The following MRPL3 variants were observed in gnomAD, a reference collection of about 807,000 sequenced individuals.
MRPL3 encodes the protein large ribosomal subunit protein uL3m.
A neutral mutation model predicts 44.3 loss-of-function variants in MRPL3; 43 were observed. That is an observed-to-expected ratio of 0.97 (90% confidence interval 0.76 to 1.25). MRPL3 has a LOEUF of 1.25. MRPL3 is among the 50% of genes most tolerant of loss of function. The pLI is 0.00. For missense variants in MRPL3, 406 were observed against 427.6 expected (o/e 0.95, Z 0.45); for synonymous variants, 171 against 152.3 (o/e 1.12, Z -0.91).
In MRPL3 at chr3:131,471,217, T is replaced by C. The variant is rs150805631; in HGVS notation, c.692A>G (p.His231Arg). ...TCTCCTGTGGGTTTTCGTTTGACCA[T>C]GCGTAGCAGGCTGGCCTTTAAATCC... is the stretch of plus-strand genomic sequence containing the variant. ...RWGFKGQPAT[H>R]GQTKTHRRPG... is the part of the protein sequence containing the mutation. Residue 231 changes from histidine to arginine, a missense_variant, in exon 7 of 10, where the codon CAT becomes CGT. Coordinates refer to ENST00000264995, the MANE Select transcript of MRPL3 (RefSeq NM_007208.4). 5.2e-4 allele frequency: 832 copies of C among 1,613,372 alleles called. 1 individual carries two copies. Among genetic ancestry groups the C allele is most frequent in the Non-Finnish European group, 6.7e-4 (788 of 1,179,576 alleles).
Position 131,462,773 on chromosome 3 carries a change from A to G in MRPL3, c.997T>C (p.Tyr333His), listed in dbSNP as rs1933518928. The G allele has an allele frequency of 6.2e-7, 1 of 1,613,316 alleles. No individual in the cohort carries two copies. The highest frequency in any genetic ancestry group is 8.5e-7 in the Non-Finnish European group (1 of 1,179,502). ...GDEEELPEDL[Y>H]DENVCQPGAP... is the part of the protein sequence containing the mutation. Reference sequence around the variant, plus strand: ...CCGGGCTGACACACGTTTTCATCATACAAATCTTCTGGCAGTTCCTCTTCA... The same window carrying G: ...CCGGGCTGACACACGTTTTCATCATGCAAATCTTCTGGCAGTTCCTCTTCA... The change falls in exon 10 of 10, where the codon TAT (tyrosine) becomes CAT (histidine). Residue 333 changes from tyrosine to histidine, a missense_variant. Tyr to His is a moderately conservative substitution (Grantham distance 83, BLOSUM62 2). Transcript: ENST00000264995.
At chr3:131,467,245 CACACACACAT>C (rs1289247945) in intron 9 of MRPL3, among the ~76,000 whole-genome samples, 90 of 75,534 alleles carry the variant, frequency 1.2e-3, no homozygotes, top group Non-Finnish European at 3.0e-3. Flanking sequence ...CGCGCGCACA[CACACACACAT>C]ACACACACAC....
intron 6 of MRPL3, among the ~76,000 whole-genome samples, chr3:131,479,490 C>CTCCATTTAG (rs1295215890): frequency 6.6e-6 from 1 of 152,104 alleles, no homozygotes; most frequent in African/African-American, 2.4e-5. Context: ...TGGAGATTCA[C>CTCCATTTAG]CTGGGTTTCT....
At position 131,462,752 on chromosome 3, in the gene MRPL3, G is replaced by A. The variant is rs1394856991; in HGVS notation, c.1018C>T (p.Pro340Ser). 1 of 1,611,910 alleles carries A rather than the reference G, an allele frequency of 6.2e-7. No individual in the cohort carries two copies. The highest frequency in any genetic ancestry group is 1.7e-5 in the Admixed American group (1 of 59,850). ...EDLYDENVCQ[P>S]GAPSITFA ...GCAAATGTAATAGAAGGCGCACCGG[G>A]CTGACACACGTTTTCATCATACAAA... The change falls in exon 10 of 10, where the codon CCC becomes TCC. Residue 340 changes from proline to serine, a missense_variant. Coordinates refer to ENST00000264995, the MANE Select transcript of MRPL3 (RefSeq NM_007208.4).
chr3:131,491,899 C>A (rs1051253308), intron 4 of MRPL3, among the ~76,000 whole-genome samples: 81 of 152,240 alleles, frequency 5.3e-4, no homozygotes, highest in African/African-American at 1.8e-3. Flanking sequence ...CTACTTCTTA[C>A]AGAATCAAGT....
intron 9 of MRPL3, among the ~76,000 whole-genome samples, chr3:131,464,600 T>C (rs1021426460): frequency 2.6e-5 from 4 of 152,058 alleles, no homozygotes; most frequent in South Asian, 2.1e-4. Context: ...AATCTGAAAA[T>C]AAATGATATA....
intron 6 of MRPL3, among the ~76,000 whole-genome samples, chr3:131,475,822 A>G (rs1221219362): frequency 6.6e-6 from 1 of 152,246 alleles, no homozygotes; most frequent in Non-Finnish European, 1.5e-5. Flanking sequence ...CCTAATTGGA[A>G]AGTACAGTGC....
At chr3:131,496,438 C>T (rs1266378457) in intron 4 of MRPL3, among the ~76,000 whole-genome samples, 3 of 152,188 alleles carry the variant, frequency 2.0e-5, no homozygotes, top group Non-Finnish European at 4.4e-5. Flanking sequence ...AAATAGCTAA[C>T]TTCTCTAACA....
At chr3:131,484,936 A>T (rs1335737604) in intron 6 of MRPL3, among the ~76,000 whole-genome samples, 2 of 152,186 alleles carry the variant, frequency 1.3e-5, no homozygotes, top group Non-Finnish European at 2.9e-5. Context: ...CCCCACTGTT[A>T]ATACAGTAAA....
intron 4 of MRPL3, among the ~76,000 whole-genome samples, chr3:131,497,581 T>C (rs1337579641): frequency 6.6e-6 from 1 of 152,324 alleles, no homozygotes; most frequent in Non-Finnish European, 1.5e-5. Flanking sequence ...GTTTTAGTTA[T>C]TCAATACAGG....
intron 4 of MRPL3, among the ~76,000 whole-genome samples, chr3:131,496,607 G>A (rs1352358123): frequency 6.6e-6 from 1 of 152,058 alleles, no homozygotes; most frequent in Non-Finnish European, 1.5e-5. Flanking sequence ...CCCAGAGTAT[G>A]CAATCAGCAC....
In MRPL3 at chr3:131,462,604, G is replaced by A; in HGVS notation, c.*119C>T. ...ATGATATATTTATGCCCTTGACAAA[G>A]ATGACATGTGTGATTTTGTTGTGAC... On this transcript the variant is annotated 3_prime_UTR_variant, in exon 10 of 10. Coordinates refer to ENST00000264995, the MANE Select transcript of MRPL3 (RefSeq NM_007208.4). 2 of 964,074 alleles carry A rather than the reference G, an allele frequency of 2.1e-6. No homozygotes were observed. The highest frequency in any genetic ancestry group is 3.0e-6 in the Non-Finnish European group (2 of 673,222). 59.7% of individuals were successfully genotyped at this position (964,074 alleles called of 1,614,324 possible).
At chr3:131,478,442 A>C (rs1007761906) in intron 6 of MRPL3, among the ~76,000 whole-genome samples, 2 of 152,140 alleles carry the variant, frequency 1.3e-5, no homozygotes, top group African/African-American at 4.8e-5. Flanking sequence ...AAGCAAACAA[A>C]CTTAGATGGT....
At chr3:131,482,089 C>T (rs549073429) in intron 6 of MRPL3, among the ~76,000 whole-genome samples, 39 of 152,332 alleles carry the variant, frequency 2.6e-4, no homozygotes, top group African/African-American at 8.9e-4. Flanking sequence ...ACAGTTTAAA[C>T]ATCTTTGACT....
chr3:131,478,894 T>C (rs1428905245), intron 6 of MRPL3, among the ~76,000 whole-genome samples: 1 of 151,998 alleles, frequency 6.6e-6, no homozygotes. Context: ...AGTTTCGCTA[T>C]GTTGGTCAGG....
At chr3:131,470,694 C>G (rs1240939545) in intron 7 of MRPL3, among the ~76,000 whole-genome samples, 3 of 152,016 alleles carry the variant, frequency 2.0e-5, no homozygotes, top group Admixed American at 2.0e-4. Context: ...TCCCCTCCCC[C>G]ACCAAACAGT....
intron 4 of MRPL3, among the ~76,000 whole-genome samples, chr3:131,497,397 A>G (rs1934394075): frequency 6.6e-6 from 1 of 152,232 alleles, no homozygotes; most frequent in Non-Finnish European, 1.5e-5. Context: ...TAGTAGGATA[A>G]ACACCTGATA....
chr3:131,464,684 G>C (rs2110692861), intron 9 of MRPL3, among the ~76,000 whole-genome samples: 1 of 152,226 alleles, frequency 6.6e-6, no homozygotes, highest in Non-Finnish European at 1.5e-5. Flanking sequence ...GTAAACAATA[G>C]TTCTTTAGTC....
intron 4 of MRPL3, among the ~76,000 whole-genome samples, chr3:131,497,478 GA>G (rs1426867346): frequency 4.7e-5 from 7 of 148,280 alleles, no homozygotes; most frequent in Admixed American, 2.3e-4. Context: ...AGTTTACAAT[GA>G]AAAAAAAGTT....
Sources: gnomAD v4.1 joint callset for allele counts (sites outside exome capture counted in the v4.1 genomes callset) on GRCh38, gnomAD v4.1.1 for gene constraint, MANE v1.5 for transcripts, NCBI Gene and HGNC (gene_info 2026-07-23, HGNC 2026-07-21) for gene names.